HHAT: variants seen among roughly 807,000 people sequenced by gnomAD.
HHAT encodes protein-cysteine N-palmitoyltransferase HHAT.
In HHAT, 47 loss-of-function variants were observed where a neutral mutation model predicts 70.8. That is an observed-to-expected ratio of 0.66 (90% CI 0.53 to 0.85). The LOEUF (loss-of-function observed/expected upper bound fraction) is 0.85, where lower values mean the gene tolerates loss of function less well. Among genes scored for constraint, HHAT ranks in the 40% least tolerant of loss-of-function variants. The probability of loss-of-function intolerance (pLI) is 0.00; values close to 1 mark genes in which losing one functional copy is unlikely to be tolerated. For synonymous variants in HHAT, 228 were observed against 247.6 expected (o/e 0.92, Z 0.74); for missense variants, 609 against 604.8 (o/e 1.01, Z -0.07).
rs374099540 is a variant in HHAT at position 210,387,582 on chromosome 1, G to A, written c.273+1G>A. 8 of 1,608,504 alleles carry A rather than the reference G, an allele frequency of 5.0e-6. No individual in the cohort carries two copies. The highest frequency in any genetic ancestry group is 2.2e-5 in the South Asian group (2 of 90,932). ...AATGGCCACACTGCTGGCAAGAAAG[G>A]TATGATTATATGTGTTGTTACCTTT... On this transcript the variant is annotated splice_donor_variant, in intron 4 of 11. Coordinates refer to ENST00000261458, the MANE Select transcript of HHAT (RefSeq NM_018194.6). LOFTEE classifies it high-confidence loss of function.
At chr1:210,454,908 C>G (rs2093831055) in intron 7 of HHAT, among the ~76,000 whole-genome samples, 1 of 152,200 alleles carries the variant, frequency 6.6e-6, no homozygotes, top group Non-Finnish European at 1.5e-5. Flanking sequence ...TTAATAACCA[C>G]TCATTGTGAC....
chr1:210,444,915 C>T (rs1212363163), intron 7 of HHAT, among the ~76,000 whole-genome samples: 2 of 152,220 alleles, frequency 1.3e-5, no homozygotes, highest in African/African-American at 4.8e-5. Context: ...TCTCGGCTCA[C>T]TGCAACCTCC....
chr1:210,530,591 C>T lies in HHAT; in HGVS notation c.1043+17403C>T, dbSNP rs554632843. On this transcript the variant is annotated intron_variant, in intron 9 of 11. Coordinates refer to ENST00000261458, the MANE Select transcript of HHAT (RefSeq NM_018194.6). ...GAATAAGGAGTTATTAACGGAGCAA[C>T]GTGTTCTGGAGACAAAGGCCGGGAG... 2.1e-4 allele frequency among the ~76,000 whole-genome samples: 32 copies of T among 152,132 alleles called. No homozygotes were observed. In the East Asian group the frequency reaches 4.6e-3, roughly 22 times the overall value.
chr1:210,529,129 A>G (rs980260002), intron 9 of HHAT, among the ~76,000 whole-genome samples: 1 of 151,862 alleles, frequency 6.6e-6, no homozygotes, highest in African/African-American at 2.4e-5. Flanking sequence ...AGATAGTGAA[A>G]CCCCATTTCT....
intron 9 of HHAT, among the ~76,000 whole-genome samples, chr1:210,532,196 A>T (rs181856578): frequency 1.1e-4 from 16 of 152,350 alleles, no homozygotes; most frequent in Non-Finnish European, 1.5e-4. Context: ...TTGGAAATGG[A>T]AATAGATTTT....
chr1:210,561,771 A>G (rs2095624714), intron 9 of HHAT, among the ~76,000 whole-genome samples: 1 of 152,214 alleles, frequency 6.6e-6, no homozygotes, highest in South Asian at 2.1e-4. Flanking sequence ...CCACGTACTT[A>G]TCATTTTTTT....
At chr1:210,618,335 T>C (rs1467850408) in intron 10 of HHAT, among the ~76,000 whole-genome samples, 1 of 152,150 alleles carries the variant, frequency 6.6e-6, no homozygotes, top group African/African-American at 2.4e-5. Context: ...CACCCCTCAT[T>C]TGCTCTCTCT....
intron 9 of HHAT, among the ~76,000 whole-genome samples, chr1:210,535,358 G>T (rs772956460): frequency 6.6e-6 from 1 of 152,092 alleles, no homozygotes; most frequent in Admixed American, 6.6e-5. Context: ...TTGTAAGGTT[G>T]ATTACTAGCC....
At chr1:210,378,426 A>T (rs897435146) in intron 3 of HHAT, among the ~76,000 whole-genome samples, 2 of 152,250 alleles carry the variant, frequency 1.3e-5, no homozygotes, top group African/African-American at 4.8e-5. Flanking sequence ...GCTAGATATA[A>T]GGATAAGGAA....
intron 8 of HHAT, among the ~76,000 whole-genome samples, chr1:210,506,555 A>C (rs1001284838): frequency 5.9e-5 from 9 of 152,204 alleles, no homozygotes; most frequent in Non-Finnish European, 1.3e-4. Flanking sequence ...ATGTCTCCTC[A>C]TGAGGAAACC....
chr1:210,568,010 C>T (rs1558179157), intron 9 of HHAT, among the ~76,000 whole-genome samples: 1 of 152,152 alleles, frequency 6.6e-6, no homozygotes. Flanking sequence ...GGCTGGCAGC[C>T]CCTTAGTAGC....
intron 3 of HHAT, among the ~76,000 whole-genome samples, chr1:210,381,149 T>C (rs1026900314): frequency 6.6e-6 from 1 of 152,030 alleles, no homozygotes; most frequent in Non-Finnish European, 1.5e-5. Context: ...TTGCAGTAAC[T>C]CCAAGACTTT....
chr1:210,341,348 C>T (rs953061144), intron 1 of HHAT, among the ~76,000 whole-genome samples: 1 of 152,158 alleles, frequency 6.6e-6, no homozygotes, highest in Non-Finnish European at 1.5e-5. Context: ...TTGCCTGCAT[C>T]AGAAGTAAAG....
At chr1:210,437,430 C>T (rs1485451938) in intron 7 of HHAT, among the ~76,000 whole-genome samples, 1 of 151,738 alleles carries the variant, frequency 6.6e-6, no homozygotes, top group Non-Finnish European at 1.5e-5. Context: ...ACTCTCTGGC[C>T]CCTCCAAAAC....
At chr1:210,644,278 T>C (rs1673568324) in intron 11 of HHAT, among the ~76,000 whole-genome samples, 1 of 152,138 alleles carries the variant, frequency 6.6e-6, no homozygotes, top group South Asian at 2.1e-4. Flanking sequence ...ATAGTAATCA[T>C]TTTGGGAGAG....
intron 7 of HHAT, among the ~76,000 whole-genome samples, chr1:210,461,699 C>T (rs1413134094): frequency 6.6e-6 from 1 of 152,130 alleles, no homozygotes; most frequent in Admixed American, 6.5e-5. Context: ...AAAATTAACA[C>T]AAATTACTAT....
rs1159407828 is a variant in HHAT at position 210,522,206 on chromosome 1, C to T, written c.1043+9018C>T. Among the ~76,000 whole-genome samples, 9 of 152,226 alleles carry T rather than the reference C, an allele frequency of 5.9e-5. No individual in the cohort carries two copies. In the East Asian group the frequency reaches 1.2e-3, roughly 20 times the overall value. ...CTTTGTGGCCCTAATTAGGCATTGTCGATCATCTTTTAGTGGCATCCAGAG... is the reference window on the plus strand; with the variant it reads ...CTTTGTGGCCCTAATTAGGCATTGTTGATCATCTTTTAGTGGCATCCAGAG... On this transcript the variant is annotated intron_variant, in intron 9 of 11. Transcript: ENST00000261458.
intron 9 of HHAT, among the ~76,000 whole-genome samples, chr1:210,527,335 G>T (rs567062827): frequency 6.6e-6 from 1 of 152,122 alleles, no homozygotes; most frequent in Non-Finnish European, 1.5e-5. Flanking sequence ...TTTGTGTGCT[G>T]GATGCATTAC....
At chr1:210,430,548 T>G (rs1340496271) in intron 7 of HHAT, among the ~76,000 whole-genome samples, 1 of 151,952 alleles carries the variant, frequency 6.6e-6, no homozygotes, top group Admixed American at 6.5e-5. Flanking sequence ...TTCTCTACAT[T>G]AATGAAGATC....
Sources: gnomAD v4.1 joint callset for allele counts (sites outside exome capture counted in the v4.1 genomes callset) on GRCh38, gnomAD v4.1.1 for gene constraint, MANE v1.5 for transcripts, NCBI Gene and HGNC (gene_info 2026-07-23, HGNC 2026-07-21) for gene names.